GPD2: variants seen among roughly 807,000 people sequenced by gnomAD.
GPD2 encodes the protein glycerol-3-phosphate dehydrogenase, mitochondrial.
A neutral mutation model predicts 82.4 loss-of-function variants in GPD2; 54 were observed. That is an observed-to-expected ratio of 0.66 (90% CI 0.53 to 0.82). The LOEUF (loss-of-function observed/expected upper bound fraction) is 0.82, where lower values mean the gene tolerates loss of function less well. Among genes scored for constraint, GPD2 ranks in the 40% least tolerant of loss-of-function variants. The pLI, the probability that GPD2 is intolerant of heterozygous loss-of-function variation, is 0.00. For missense variants in GPD2, 748 were observed against 896.2 expected (o/e 0.83, Z 2.11); for synonymous variants, 288 against 306.1 (o/e 0.94, Z 0.62).
chr2:156,510,940 GTTA>G lies in GPD2; in HGVS notation c.399+21_399+23del, dbSNP rs771367184. The G allele has an allele frequency of 1.6e-5, 26 of 1,611,692 alleles. No homozygotes were observed. Among genetic ancestry groups the G allele is most frequent in the Non-Finnish European group, 2.1e-5 (25 of 1,177,990 alleles). ...GAGCAGGTAATTGTGTATGCTGGTT[GTTA>G]AACAAAAATTGCAACTGTGCTTTTT... is the stretch of plus-strand genomic sequence containing the variant. On this transcript the variant is annotated intron_variant, in intron 4 of 16. Transcript: ENST00000438166.
At chr2:156,514,248 G>A (rs1197550080) in intron 6 of GPD2, among the ~76,000 whole-genome samples, 2 of 151,420 alleles carry the variant, frequency 1.3e-5, no homozygotes, top group African/African-American at 4.9e-5. Context: ...AAAGCCATTT[G>A]TAAAATTTTA....
At chr2:156,559,414 T>C (rs1332904200) in intron 9 of GPD2, among the ~76,000 whole-genome samples, 1 of 152,332 alleles carries the variant, frequency 6.6e-6, no homozygotes, top group Non-Finnish European at 1.5e-5. Context: ...AAAAATAATC[T>C]TCATATATTT....
intron 1 of GPD2, among the ~76,000 whole-genome samples, chr2:156,468,120 T>C (rs1440508921): frequency 2.0e-5 from 3 of 152,186 alleles, no homozygotes; most frequent in South Asian, 2.1e-4. Flanking sequence ...ACATTTGTTA[T>C]CACATTAATT....
chr2:156,515,436 T>C (rs561797319), intron 6 of GPD2, among the ~76,000 whole-genome samples: 1 of 152,206 alleles, frequency 6.6e-6, no homozygotes, highest in African/African-American at 2.4e-5. Context: ...ATTTGTGACA[T>C]CCTGTTTTAC....
chr2:156,414,873 TA>T, the GPD2 span, among the ~76,000 whole-genome samples: 2 of 152,174 alleles, frequency 1.3e-5, no homozygotes, highest in South Asian at 2.1e-4. Context: ...AATATACCTT[TA>T]ATATCTATTG....
Position 156,585,943 on chromosome 2 carries a change from ATTG to A in GPD2, c.*3028_*3030del, listed in dbSNP as rs893454183. 3.9e-5 allele frequency: 6 copies of A among 152,318 alleles called. No individual in the cohort carries two copies. Among genetic ancestry groups the A allele is most frequent in the Non-Finnish European group, 5.9e-5 (4 of 67,938 alleles). 9.4% of individuals were successfully genotyped at this position (152,318 alleles called of 1,614,324 possible). ...GCACTTTTATGTATCATGTTGGGTT[ATTG>A]TTCTAGACTGGACTGTTAAATACTA... On this transcript the variant is annotated 3_prime_UTR_variant, in exon 17 of 17. Coordinates refer to ENST00000438166, the MANE Select transcript of GPD2 (RefSeq NM_000408.5).
chr2:156,585,608 A>G lies in GPD2; in HGVS notation c.*2690A>G, dbSNP rs1388545756. Reference sequence around the variant, plus strand: ...TTCTGCTATTAAATGCATGCTCTCTATCCTGCTTCAGTTTCTGGCTTTGCT... The same window carrying G: ...TTCTGCTATTAAATGCATGCTCTCTGTCCTGCTTCAGTTTCTGGCTTTGCT... On this transcript the variant is annotated 3_prime_UTR_variant, in exon 17 of 17. Transcript: ENST00000438166. 2 of 152,514 alleles carry G rather than the reference A, an allele frequency of 1.3e-5. No individual in the cohort carries two copies. Among genetic ancestry groups the G allele is most frequent in the East Asian group, 1.9e-4 (1 of 5,156 alleles). 9.4% of individuals were successfully genotyped at this position (152,514 alleles called of 1,614,324 possible). A position where few individuals can be genotyped will look rare whatever the true frequency, so the allele number is the denominator to read the frequency against.
intron 16 of GPD2, 25 bp from the exon 17 acceptor site, chr2:156,582,768 A>G (rs1328178376): frequency 1.2e-6 from 2 of 1,611,846 alleles, no homozygotes; most frequent in Admixed American, 1.7e-5. Flanking sequence ...TGCGTTCTGA[A>G]TCTGTTGCAT....
chr2:156,569,804 A>G (rs1687544778), intron 11 of GPD2, among the ~76,000 whole-genome samples: 1 of 152,112 alleles, frequency 6.6e-6, no homozygotes, highest in Non-Finnish European at 1.5e-5. Flanking sequence ...ATTCTGTCTC[A>G]GGCATGAAGA....
intron 13 of GPD2, among the ~76,000 whole-genome samples, chr2:156,575,957 A>G (rs916978237): frequency 1.3e-5 from 2 of 152,224 alleles, no homozygotes; most frequent in Non-Finnish European, 2.9e-5. Flanking sequence ...TGTACCAATA[A>G]CAAGATACCA....
chr2:156,425,767 A>G, the GPD2 span, among the ~76,000 whole-genome samples: 1 of 152,210 alleles, frequency 6.6e-6, no homozygotes, highest in Non-Finnish European at 1.5e-5. Flanking sequence ...TTGTTTTACA[A>G]TAGCCTAATG....
intron 6 of GPD2, among the ~76,000 whole-genome samples, chr2:156,530,439 T>C (rs1685805188): frequency 6.6e-6 from 1 of 151,542 alleles, no homozygotes; most frequent in Non-Finnish European, 1.5e-5. Flanking sequence ...TCCTGTCTAA[T>C]TGCCCTGGCC....
intron 2 of GPD2, among the ~76,000 whole-genome samples, chr2:156,492,970 G>T (rs903471797): frequency 2.0e-5 from 3 of 152,168 alleles, no homozygotes; most frequent in African/African-American, 7.2e-5. Flanking sequence ...TAGGCAGTGT[G>T]AGATCTGGGT....
chr2:156,441,917 CAAAACTT>C (rs1317944573), intron 1 of GPD2, among the ~76,000 whole-genome samples: 1 of 152,082 alleles, frequency 6.6e-6, no homozygotes, highest in Non-Finnish European at 1.5e-5. Flanking sequence ...TATGTATTGA[CAAAACTT>C]AAAGACATTA....
At chr2:156,546,721 C>T (rs1336045155) in intron 6 of GPD2, among the ~76,000 whole-genome samples, 2 of 152,122 alleles carry the variant, frequency 1.3e-5, no homozygotes. Flanking sequence ...GGGATAAGTC[C>T]CGAGGGAATC....
At chr2:156,407,302 T>C in the GPD2 span, among the ~76,000 whole-genome samples, 1 of 151,832 alleles carries the variant, frequency 6.6e-6, no homozygotes, top group African/African-American at 2.4e-5. Flanking sequence ...ATTAAAAAAA[T>C]TTTTTTAATC....
chr2:156,481,935 G>A (rs1683748371), intron 2 of GPD2, among the ~76,000 whole-genome samples: 1 of 152,122 alleles, frequency 6.6e-6, no homozygotes, highest in African/African-American at 2.4e-5. Flanking sequence ...AGTGACTATA[G>A]GTGATTTTCT....
At chr2:156,467,283 A>T (rs1683182169) in intron 1 of GPD2, among the ~76,000 whole-genome samples, 1 of 152,210 alleles carries the variant, frequency 6.6e-6, no homozygotes, top group Non-Finnish European at 1.5e-5. Context: ...GAAGTCAGGG[A>T]CAAAGCTAGA....
At chr2:156,461,161 CTTTTTTTTTTTTT>C (rs70987039) in intron 1 of GPD2, among the ~76,000 whole-genome samples, 3 of 106,470 alleles carry the variant, frequency 2.8e-5, no homozygotes, top group African/African-American at 3.4e-5. Flanking sequence ...CTCTCTATCT[CTTTTTTTTTTTTT>C]TTTTTTTTTT....
Sources: allele counts gnomAD v4.1 joint callset (sites outside exome capture counted in the v4.1 genomes callset), GRCh38; gene constraint gnomAD v4.1.1; transcripts MANE v1.5; gene names NCBI Gene and HGNC (gene_info 2026-07-23, HGNC 2026-07-21).